The following MIPOL1 variants were observed in gnomAD, a reference collection of about 807,000 sequenced individuals.
MIPOL1 encodes mirror-image polydactyly gene 1 protein.
MIPOL1 carries 57 observed loss-of-function variants against 60.9 expected under a neutral mutation model. That is an observed-to-expected ratio of 0.94 (90% confidence interval 0.76 to 1.17). The LOEUF is 1.17. Ranked by LOEUF, MIPOL1 falls within the 50% of genes most tolerant of loss-of-function variation. The probability of loss-of-function intolerance (pLI) is 0.00; values close to 1 mark genes in which losing one functional copy is unlikely to be tolerated. For synonymous variants in MIPOL1, 179 were observed against 168.8 expected, an observed-to-expected ratio of 1.06 and a Z score of -0.47; for missense variants, 551 against 511.6, an observed-to-expected ratio of 1.08 and a Z score of -0.74.
At chr14:37,467,260 A>G (rs886363669) in intron 11 of MIPOL1, among the ~76,000 whole-genome samples, 1 of 152,238 alleles carries the variant, frequency 6.6e-6, no homozygotes, top group East Asian at 1.9e-4. Flanking sequence ...CACATATTGT[A>G]CAGAAAAACT....
At chr14:37,389,331 T>G (rs548155059) in intron 10 of MIPOL1, among the ~76,000 whole-genome samples, 1 of 152,040 alleles carries the variant, frequency 6.6e-6, no homozygotes, top group Admixed American at 6.6e-5. Context: ...CATTTCTATT[T>G]CTTATATTTT....
intron 10 of MIPOL1, among the ~76,000 whole-genome samples, chr14:37,386,923 C>T (rs928433022): frequency 2.0e-5 from 3 of 151,868 alleles, no homozygotes; most frequent in African/African-American, 7.2e-5. Context: ...ATTTGAAATA[C>T]AAATTATAGT....
At chr14:37,364,735 G>A (rs528227887) in intron 9 of MIPOL1, among the ~76,000 whole-genome samples, 1 of 152,048 alleles carries the variant, frequency 6.6e-6, no homozygotes, top group African/African-American at 2.4e-5. Flanking sequence ...TACATTTTGG[G>A]ATTGTTTTTT....
chr14:37,497,372 G>A (rs1013904014), intron 11 of MIPOL1, among the ~76,000 whole-genome samples: 19 of 152,300 alleles, frequency 1.2e-4, no homozygotes, highest in African/African-American at 2.6e-4. Context: ...GGCAAATGCT[G>A]AATTCCCAAA....
chr14:37,435,594 ATGAG>A (rs1306910344), intron 11 of MIPOL1, among the ~76,000 whole-genome samples: 1 of 152,058 alleles, frequency 6.6e-6, no homozygotes, highest in Non-Finnish European at 1.5e-5. Context: ...TTTTGAATGA[ATGAG>A]TATGTATTAA....
At chr14:37,540,407 GT>G (rs2095524925) in intron 12 of MIPOL1, among the ~76,000 whole-genome samples, 1 of 152,114 alleles carries the variant, frequency 6.6e-6, no homozygotes, top group African/African-American at 2.4e-5. Context: ...ATATCGTAGT[GT>G]CTGTATATAT....
At chr14:37,277,592 A>G (rs975014977) in intron 6 of MIPOL1, 5 of 151,048 alleles carry the variant, frequency 3.3e-5, no homozygotes, top group Non-Finnish European at 7.4e-5. Flanking sequence ...CTTTTGATTC[A>G]TTGTCTTGCT....
At chr14:37,363,188 G>A (rs2092343063) in intron 9 of MIPOL1, among the ~76,000 whole-genome samples, 1 of 152,144 alleles carries the variant, frequency 6.6e-6, no homozygotes, top group South Asian at 2.1e-4. Flanking sequence ...AGAAGAAGAG[G>A]CACTCTGGTT....
intron 11 of MIPOL1, among the ~76,000 whole-genome samples, chr14:37,456,527 T>C (rs1013423955): frequency 6.6e-6 from 1 of 152,114 alleles, no homozygotes; most frequent in Admixed American, 6.5e-5. Context: ...CTCAGCATCA[T>C]TGCTATCTTG....
At chr14:37,351,089 T>A (rs978012387) in intron 9 of MIPOL1, among the ~76,000 whole-genome samples, 1 of 131,400 alleles carries the variant, frequency 7.6e-6, no homozygotes, top group Non-Finnish European at 1.6e-5. Context: ...CCCCAGAGTG[T>A]GATATTCCCC....
At chr14:37,379,247 C>A (rs1239846049) in intron 10 of MIPOL1, among the ~76,000 whole-genome samples, 4 of 152,084 alleles carry the variant, frequency 2.6e-5, no homozygotes, top group Non-Finnish European at 5.9e-5. Context: ...CTCAAGACAA[C>A]TGGCTATTCA....
Position 37,530,874 on chromosome 14 carries a change from G to C in MIPOL1, c.1263-16031G>C, listed in dbSNP as rs148319231. ...ACTCTGTCACCTAGGCTGGAGTGCAGTGGCATGATCCCGGCTCACTGCAAC... is the reference window on the plus strand; with the variant it reads ...ACTCTGTCACCTAGGCTGGAGTGCACTGGCATGATCCCGGCTCACTGCAAC... On this transcript the variant is annotated intron_variant, in intron 12 of 12. Coordinates refer to ENST00000684589, the MANE Select transcript of MIPOL1 (RefSeq NM_001388067.1). Among the ~76,000 whole-genome samples, 552 of 151,866 alleles carry C rather than the reference G, an allele frequency of 3.6e-3. 5 individuals are homozygous for C. The highest frequency in any genetic ancestry group is 0.012 in the African/African-American group (486 of 41,404).
rs1048191220 is a variant in MIPOL1, at chr14:37,285,176, T to G, written c.494-142T>G. On this transcript the variant is annotated intron_variant, in intron 6 of 12. Coordinates refer to ENST00000684589, the MANE Select transcript of MIPOL1 (RefSeq NM_001388067.1). ...AGTACCTATTATTAAAAATAATATT[T>G]TATGAATTGATTGATTGATATTAAT... The G allele has an allele frequency of 4.2e-5, 35 of 828,846 alleles. No individual in the cohort carries two copies. The African/African-American group carries it at 5.6e-4, about 13-fold the overall frequency. 51.3% of individuals were successfully genotyped at this position (828,846 alleles called of 1,614,324 possible).
intron 6 of MIPOL1, among the ~76,000 whole-genome samples, chr14:37,275,019 G>T (rs1185138096): frequency 6.6e-6 from 1 of 151,084 alleles, no homozygotes; most frequent in Admixed American, 6.6e-5. Context: ...AGTTTACAAA[G>T]AATTTTTATT....
Position 37,459,678 on chromosome 14 carries a change from C to T in MIPOL1, c.1031+36729C>T, listed in dbSNP as rs574417148. 4.4e-4 allele frequency among the ~76,000 whole-genome samples: 67 copies of T among 152,268 alleles called. 1 individual carries two copies. Among genetic ancestry groups the T allele is most frequent in the African/African-American group, 1.3e-3 (53 of 41,556 alleles). On this transcript the variant is annotated intron_variant, in intron 11 of 12. Coordinates refer to ENST00000684589, the MANE Select transcript of MIPOL1 (RefSeq NM_001388067.1). Reference sequence around the variant, plus strand: ...TCCCTAACCCGTTCTATGAAACCATCATCACCCTAATAGCAAAGCCAGGGA... The same window carrying T: ...TCCCTAACCCGTTCTATGAAACCATTATCACCCTAATAGCAAAGCCAGGGA...
intron 11 of MIPOL1, among the ~76,000 whole-genome samples, chr14:37,472,787 C>A (rs572196967): frequency 1.3e-5 from 2 of 152,278 alleles, no homozygotes; most frequent in South Asian, 4.1e-4. Context: ...TCTTCAAATA[C>A]TTGAAGAGAT....
At chr14:37,318,808 T>G (rs61989584) in intron 9 of MIPOL1, among the ~76,000 whole-genome samples, 2,410 of 83,602 alleles carry the variant, frequency 0.029, 30 homozygotes, top group South Asian at 0.13. Flanking sequence ...TATTTATTTA[T>G]TTATTTATTT....
intron 6 of MIPOL1, among the ~76,000 whole-genome samples, chr14:37,283,915 G>A (rs1380635867): frequency 6.6e-6 from 1 of 151,990 alleles, no homozygotes; most frequent in African/African-American, 2.4e-5. Context: ...CACCATGTTG[G>A]TTTCTCCAAG....
chr14:37,391,293 T>G (rs2093230748), intron 10 of MIPOL1, among the ~76,000 whole-genome samples: 1 of 146,426 alleles, frequency 6.8e-6, no homozygotes, highest in Admixed American at 6.8e-5. Context: ...TTAAATCAAA[T>G]GGAAAATGAT....
Sources: gnomAD v4.1 joint callset for allele counts (sites outside exome capture counted in the v4.1 genomes callset) on GRCh38, gnomAD v4.1.1 for gene constraint, MANE v1.5 for transcripts, NCBI Gene and HGNC (gene_info 2026-07-23, HGNC 2026-07-21) for gene names.